MAVS: variants seen among roughly 807,000 people sequenced by gnomAD.
MAVS encodes the protein mitochondrial antiviral signaling protein.
Under a neutral mutation model 30.2 loss-of-function variants are expected in MAVS, and 20 were observed. That is an observed-to-expected ratio of 0.66 (90% CI 0.47 to 0.96). The LOEUF (loss-of-function observed/expected upper bound fraction) is 0.96, where lower values mean the gene tolerates loss of function less well. Ranked by LOEUF, MAVS falls within the 40% of genes least tolerant of loss-of-function variation. MAVS has a pLI of 0.00. For synonymous variants in MAVS, 278 were observed against 293.9 expected, an observed-to-expected ratio of 0.95 and a Z score of 0.55; for missense variants, 624 against 701.1, an observed-to-expected ratio of 0.89 and a Z score of 1.24.
At chr20:3,852,878 C>T (rs1381643757) in intron 1 of MAVS, among the ~76,000 whole-genome samples, 2 of 143,902 alleles carry the variant, frequency 1.4e-5, no homozygotes, top group Non-Finnish European at 3.0e-5. Context: ...CTCACTCTGC[C>T]GCCCAGGCTG....
intron 1 of MAVS, among the ~76,000 whole-genome samples, chr20:3,849,827 T>C (rs6084497): frequency 0.37 from 56,927 of 152,074 alleles, 12,049 homozygotes; most frequent in East Asian, 0.68. Context: ...CATTAGAATA[T>C]AAATTGGATG....
In MAVS at chr20:3,864,478, G is replaced by A. The variant is rs779608497; in HGVS notation, c.848G>A (p.Cys283Tyr). The A allele has an allele frequency of 2.3e-5, 37 of 1,613,886 alleles. No individual in the cohort carries two copies. The highest frequency in any genetic ancestry group is 3.3e-4 in the Middle Eastern group (2 of 6,084). Reference protein sequence around the residue: ...AESDQAEPIICSSGAEAPANS... With the variant: ...AESDQAEPIIYSSGAEAPANS... ...AGTGACCAGGCCGAGCCTATCATCT[G>A]CTCCAGTGGGGCAGAGGCACCTGCC... is the stretch of plus-strand genomic sequence containing the variant. The change falls in exon 6 of 7, where the codon TGC becomes TAC. Residue 283 changes from cysteine (C) to tyrosine (Y), a missense_variant. Transcript: ENST00000428216.
chr20:3,864,342 A>G lies in MAVS; in HGVS notation c.712A>G (p.Ser238Gly). ...QPLARSTPRA[S>G]RLPGPTGSVV... is the part of the protein sequence containing the mutation. ...CCTGGCCCGTTCCACCCCCAGGGCAAGCCGCTTGCCTGGACCCACAGGGTC... is the reference window on the plus strand; with the variant it reads ...CCTGGCCCGTTCCACCCCCAGGGCAGGCCGCTTGCCTGGACCCACAGGGTC... The change falls in exon 6 of 7, where the codon AGC becomes GGC. Residue 238 changes from serine (S) to glycine (G), a missense_variant. Ser to Gly is a moderately conservative substitution (Grantham distance 56). Transcript: ENST00000428216. 6.2e-7 allele frequency: 1 copy of G among 1,613,444 alleles called. No individual in the cohort carries two copies. Among genetic ancestry groups the G allele is most frequent in the Non-Finnish European group, 8.5e-7 (1 of 1,179,978 alleles).
chr20:3,858,092 G>A (rs1344489254), intron 3 of MAVS, among the ~76,000 whole-genome samples: 1 of 152,148 alleles, frequency 6.6e-6, no homozygotes, highest in Non-Finnish European at 1.5e-5. Context: ...GCGGGACGAT[G>A]CGTGTTGAGT....
In MAVS at chr20:3,865,726, G is replaced by T. The variant is rs781728177; in HGVS notation, c.1202G>T (p.Ser401Ile). 1.2e-6 allele frequency: 2 copies of T among 1,612,780 alleles called. No individual in the cohort carries two copies. Among genetic ancestry groups the T allele is most frequent in the South Asian group, 1.1e-5 (1 of 91,060 alleles). ...ACACCCGCCGGCGCCACTGGAGGCA[G>T]CTCAGCCTGGCTAGACAGCAGCTCT... The part of the protein sequence containing the change: ...APTPAGATGG[S>I]SAWLDSSSEN... The change falls in exon 7 of 7, where the codon AGC becomes ATC. Residue 401 changes from serine to isoleucine, a missense_variant. Coordinates refer to ENST00000428216, the MANE Select transcript of MAVS (RefSeq NM_020746.5). This position sits in a 1 kb window ranked among gnomAD's most constrained non-coding sequence, Gnocchi z 4.7.
intron 5 of MAVS, 132 bp from the exon 6 acceptor site, chr20:3,864,121 TCTC>T: frequency 1.0e-6 from 1 of 986,176 alleles, no homozygotes. Flanking sequence ...GACTGTGGCA[TCTC>T]CTCCAAGGGC....
chr20:3,875,466 G>A lies in MAVS; in HGVS notation c.*9319G>A, dbSNP rs2089984144. ...ATCTTCCTTCTACTTCTTCAGTGCT[G>A]TTTTTATTTAAAAAAAAAAAAAACC... is the stretch of plus-strand genomic sequence containing the variant. On this transcript the variant is annotated 3_prime_UTR_variant, in exon 7 of 7. Transcript: ENST00000428216. The A allele has an allele frequency of 1.5e-5, 1 of 68,784 alleles. No homozygotes were observed. 4.3% of individuals were successfully genotyped at this position (68,784 alleles called of 1,614,324 possible).
At position 3,866,087 on chromosome 20, in the gene MAVS, T is replaced by C. The variant is rs149745816; in HGVS notation, c.1563T>C (p.Ala521=). The C allele has an allele frequency of 3.8e-4, 611 of 1,610,574 alleles. 4 individuals carry two copies. The African/African-American group carries it at 6.7e-3, about 18-fold the overall frequency. Residue 521 remains alanine, a synonymous_variant, in exon 7 of 7, where the codon GCT becomes GCC. Coordinates refer to ENST00000428216, the MANE Select transcript of MAVS (RefSeq NM_020746.5). ...PSPGALWLQV[A]VTGVLVVTLL... ...CTGGGGCTCTGTGGCTCCAGGTGGCTGTGACAGGGGTGCTGGTAGTCACAC... is the reference window on the plus strand; with the variant it reads ...CTGGGGCTCTGTGGCTCCAGGTGGCCGTGACAGGGGTGCTGGTAGTCACAC...
intron 2 of MAVS, among the ~76,000 whole-genome samples, chr20:3,856,200 G>A (rs569907485): frequency 3.3e-5 from 5 of 151,054 alleles, no homozygotes; most frequent in Non-Finnish European, 7.4e-5. Flanking sequence ...GACTACAGGC[G>A]CCTGCCACCA....
At position 3,865,414 on chromosome 20, in the gene MAVS, C is replaced by T. The variant is rs1346819930; in HGVS notation, c.1159-269C>T. On this transcript the variant is annotated intron_variant, in intron 6 of 6. Transcript: ENST00000428216. This position sits in a 1 kb window ranked among gnomAD's most constrained non-coding sequence, Gnocchi z 4.7. ...CAGGATGTCAGTGCAGGATGGAGCC[C>T]CGCCCTACCAAAGGCTTCCAGGTGG... Among the ~76,000 whole-genome samples the T allele has an allele frequency of 6.6e-6, 1 of 152,174 alleles. No homozygotes were observed. Among genetic ancestry groups the T allele is most frequent in the African/African-American group, 2.4e-5 (1 of 41,434 alleles).
chr20:3,861,428 A>C lies in MAVS; in HGVS notation c.389A>C (p.Tyr130Ser). The C allele has an allele frequency of 1.2e-6, 2 of 1,614,070 alleles. No homozygotes were observed. The highest frequency in any genetic ancestry group is 1.7e-6 in the Non-Finnish European group (2 of 1,180,016). The part of the protein sequence containing the change: ...PTPAAAHSIP[Y>S]NSCREKEPSY... ...CCTGCTGCGGCCCACAGCATCCCCT[A>C]CAACAGCTGCAGAGAGAAGGAGCCA... Residue 130 changes from tyrosine to serine, a missense_variant, in exon 4 of 7, where the codon TAC (tyrosine) becomes TCC (serine). Tyr to Ser is a moderately radical substitution (Grantham distance 144). Coordinates refer to ENST00000428216, the MANE Select transcript of MAVS (RefSeq NM_020746.5).
Position 3,865,609 on chromosome 20 carries a change from G to C in MAVS, c.1159-74G>C. 1 of 1,380,016 alleles carries C rather than the reference G, an allele frequency of 7.2e-7. No homozygotes were observed. Among genetic ancestry groups the C allele is most frequent in the Non-Finnish European group, 9.8e-7 (1 of 1,024,532 alleles). 85.5% of individuals were successfully genotyped at this position (1,380,016 alleles called of 1,614,324 possible). On this transcript the variant is annotated intron_variant, in intron 6 of 6. Coordinates refer to ENST00000428216, the MANE Select transcript of MAVS (RefSeq NM_020746.5). This position sits in a 1 kb window ranked among gnomAD's most constrained non-coding sequence, Gnocchi z 4.7. ...GAGTGTTAGTTCATGCCCTGGCCTGGGAATGGGACCGCCCTACCAGGTTCG... is the reference window on the plus strand; with the variant it reads ...GAGTGTTAGTTCATGCCCTGGCCTGCGAATGGGACCGCCCTACCAGGTTCG...
At chr20:3,858,068 C>T in intron 3 of MAVS, 2 of 526,338 alleles carry the variant, frequency 3.8e-6, no homozygotes, top group Admixed American at 3.0e-5. Context: ...CGGGGAGCTG[C>T]AGTGGGTGAT....
In MAVS at chr20:3,854,891, C is replaced by CTTTTT. The variant is rs61256246; in HGVS notation, c.117+164_117+168dup. On this transcript the variant is annotated intron_variant, in intron 2 of 6. Coordinates refer to ENST00000428216, the MANE Select transcript of MAVS (RefSeq NM_020746.5). ...CTTGCTCCTTGTCCTTGCTGCTTTT[C>CTTTTT]TTTTTTTTTTTTTTTTTTGAGATTG... 482 of 303,888 alleles carry CTTTTT rather than the reference C, an allele frequency of 1.6e-3. 2 individuals are homozygous for CTTTTT. The highest frequency in any genetic ancestry group is 4.3e-3 in the East Asian group (58 of 13,406). 18.8% of individuals were successfully genotyped at this position (303,888 alleles called of 1,614,324 possible).
rs1256581139 is a variant in MAVS, at chr20:3,874,278, G to T, written c.*8131G>T. On this transcript the variant is annotated 3_prime_UTR_variant, in exon 7 of 7. Transcript: ENST00000428216. ...CCAGGGGAACAGTTAACAGGGGAGG[G>T]ATACTGGGGAGGGGCATCCTGGAGT... The T allele has an allele frequency of 6.0e-5, 24 of 398,376 alleles. No homozygotes were observed. Among genetic ancestry groups the T allele is most frequent in the African/African-American group, 3.9e-4 (19 of 48,610 alleles). 24.7% of individuals were successfully genotyped at this position (398,376 alleles called of 1,614,324 possible).
chr20:3,857,988 C>T, intron 3 of MAVS, 179 bp downstream of exon 3: 1 of 700,494 alleles, frequency 1.4e-6, no homozygotes, highest in South Asian at 1.7e-5. Context: ...GTCCCTTTGG[C>T]CAAGTCCCTT....
In MAVS at chr20:3,875,466, GTTTTT is replaced by G. The variant is rs1315098482; in HGVS notation, c.*9320_*9324del. 3 of 68,784 alleles carry G rather than the reference GTTTTT, an allele frequency of 4.4e-5. No individual in the cohort carries two copies. The highest frequency in any genetic ancestry group is 3.5e-4 in the Admixed American group (2 of 5,738). 4.3% of individuals were successfully genotyped at this position (68,784 alleles called of 1,614,324 possible). A position where few individuals can be genotyped will look rare whatever the true frequency, so the allele number is the denominator to read the frequency against. On this transcript the variant is annotated 3_prime_UTR_variant, in exon 7 of 7. Coordinates refer to ENST00000428216, the MANE Select transcript of MAVS (RefSeq NM_020746.5). ...ATCTTCCTTCTACTTCTTCAGTGCT[GTTTTT>G]ATTTAAAAAAAAAAAAAACCAGCCA... is the stretch of plus-strand genomic sequence containing the variant.
chr20:3,865,721 A>T lies in MAVS; in HGVS notation c.1197A>T (p.Gly399=), dbSNP rs757529506. The stretch of plus-strand genomic sequence containing the variant: ...CTCCAACACCCGCCGGCGCCACTGG[A>T]GGCAGCTCAGCCTGGCTAGACAGCA... ...PAAPTPAGAT[G]GSSAWLDSSS... The change falls in exon 7 of 7, where the codon GGA becomes GGT. Residue 399 remains glycine, a synonymous_variant. Coordinates refer to ENST00000428216, the MANE Select transcript of MAVS (RefSeq NM_020746.5). This position sits in a 1 kb window ranked among gnomAD's most constrained non-coding sequence, Gnocchi z 4.7. 1 of 1,611,902 alleles carries T rather than the reference A, an allele frequency of 6.2e-7. No individual in the cohort carries two copies. The highest frequency in any genetic ancestry group is 2.2e-5 in the East Asian group (1 of 44,838).
In MAVS at chr20:3,854,738, C is replaced by T. The variant is rs1253978172; in HGVS notation, c.114C>T (p.Asp38=). ...LPYLPCLTAR[D]QDRLRATCTL... is the part of the protein sequence containing the mutation. ...ACCTGCCCTGCCTCACAGCAAGAGA[C>T]CAGGTGAGCAAGGGAAGTGACAGCC... The change falls in exon 2 of 7, where the codon GAC becomes GAT. Residue 38 remains aspartate (D), a synonymous_variant. Transcript: ENST00000428216. 4.3e-6 allele frequency: 7 copies of T among 1,609,810 alleles called. No individual in the cohort carries two copies. Among genetic ancestry groups the T allele is most frequent in the Non-Finnish European group, 6.0e-6 (7 of 1,176,410 alleles).
Sources: allele counts gnomAD v4.1 joint callset (sites outside exome capture counted in the v4.1 genomes callset), GRCh38; gene constraint gnomAD v4.1.1; non-coding constraint Gnocchi (gnomAD v3.1); transcripts MANE v1.5; gene names NCBI Gene and HGNC (gene_info 2026-07-23, HGNC 2026-07-21).